The following RABGAP1L variants were observed in gnomAD, a reference collection of about 807,000 sequenced individuals.
RABGAP1L encodes the protein RAB GTPase activating protein 1 like, also known as rab GTPase-activating protein 1-like.
Under a neutral mutation model 137.7 loss-of-function variants are expected in RABGAP1L, and 63 were observed. The ratio of observed to expected loss-of-function variants is 0.46; its 90% confidence interval spans 0.37 to 0.56. The LOEUF (loss-of-function observed/expected upper bound fraction) is 0.56. Ranked by LOEUF, RABGAP1L falls within the 20% of genes least tolerant of loss-of-function variation. RABGAP1L has a pLI of 0.00. For synonymous variants in RABGAP1L, 431 were observed against 433.7 expected (o/e 0.99, Z 0.08); for missense variants, 1,095 against 1,244.0 (o/e 0.88, Z 1.80).
chr1:174,519,951 G>A (rs1281139019), intron 13 of RABGAP1L, among the ~76,000 whole-genome samples: 2 of 152,144 alleles, frequency 1.3e-5, no homozygotes, highest in African/African-American at 4.8e-5. Context: ...TACCATTTCT[G>A]TTCTTCATTT....
At chr1:174,386,416 A>G (rs1380417188) in intron 12 of RABGAP1L, among the ~76,000 whole-genome samples, 1 of 152,180 alleles carries the variant, frequency 6.6e-6, no homozygotes, top group Non-Finnish European at 1.5e-5. Context: ...GATCATATCA[A>G]GTAAATGACA....
intron 1 of RABGAP1L, among the ~76,000 whole-genome samples, chr1:174,171,232 C>A (rs558701862): frequency 6.6e-6 from 1 of 152,100 alleles, no homozygotes; most frequent in Non-Finnish European, 1.5e-5. Flanking sequence ...CTCAAATTAG[C>A]GAGATATGCC....
rs758119279 is a variant in RABGAP1L, at chr1:174,699,640, G to T, written c.2015G>T (p.Arg672Ile). Residue 672 changes from arginine to isoleucine, a missense_variant, in exon 16 of 26, where the codon AGA (arginine) becomes ATA (isoleucine). Transcript: ENST00000681986. The part of the protein sequence containing the change: ...DLHCKFYQLE[R>I]LMQEQLPDLH... ...CATTGCAAATTCTACCAGTTGGAGA[G>T]ACTAATGCAGGTAAATAAAAATTAG... is the stretch of plus-strand genomic sequence containing the variant. 2 of 1,605,800 alleles carry T rather than the reference G, an allele frequency of 1.2e-6. No homozygotes were observed. The highest frequency in any genetic ancestry group is 1.7e-6 in the Non-Finnish European group (2 of 1,173,886).
chr1:174,603,411 C>T (rs1347763189), intron 13 of RABGAP1L, among the ~76,000 whole-genome samples: 1 of 152,136 alleles, frequency 6.6e-6, no homozygotes, highest in Non-Finnish European at 1.5e-5. Flanking sequence ...GACCCGAATC[C>T]AGCACAGTAC....
intron 14 of RABGAP1L, among the ~76,000 whole-genome samples, chr1:174,651,851 G>A (rs906323921): frequency 1.3e-5 from 2 of 152,104 alleles, no homozygotes; most frequent in East Asian, 3.9e-4. Context: ...AGTTAATATT[G>A]TTATGTGTGA....
At chr1:174,363,189 G>T (rs1435793498) in intron 11 of RABGAP1L, among the ~76,000 whole-genome samples, 7 of 152,212 alleles carry the variant, frequency 4.6e-5, no homozygotes, top group Non-Finnish European at 8.8e-5. Context: ...CCATAGCCCT[G>T]TAGTATAGTT....
At chr1:174,564,836 A>G (rs575688005) in intron 13 of RABGAP1L, among the ~76,000 whole-genome samples, 1 of 152,282 alleles carries the variant, frequency 6.6e-6, no homozygotes, top group African/African-American at 2.4e-5. Context: ...AATTGTTTTA[A>G]AAGTAGTATA....
At chr1:174,238,316 C>T (rs1301734030) in intron 4 of RABGAP1L, among the ~76,000 whole-genome samples, 2 of 152,218 alleles carry the variant, frequency 1.3e-5, no homozygotes, top group Non-Finnish European at 2.9e-5. Context: ...CGGTGAGGAA[C>T]TGCGTTCCTT....
At chr1:174,203,294 G>A (rs931009829) in intron 1 of RABGAP1L, among the ~76,000 whole-genome samples, 6 of 152,070 alleles carry the variant, frequency 3.9e-5, no homozygotes, top group South Asian at 2.1e-4. Flanking sequence ...TGTATATGAT[G>A]TAAGGAAATG....
intron 13 of RABGAP1L, among the ~76,000 whole-genome samples, chr1:174,475,804 G>T (rs1002887058): frequency 4.4e-5 from 6 of 136,886 alleles, no homozygotes; most frequent in African/African-American, 1.3e-4. Context: ...AAAAAGGTCA[G>T]ATCTTTGGCC....
At chr1:174,683,622 A>G (rs752852492) in intron 15 of RABGAP1L, 26 bp downstream of exon 15, 1 of 1,545,624 alleles carries the variant, frequency 6.5e-7, no homozygotes, top group South Asian at 1.1e-5. Context: ...TGTGATAAAT[A>G]GCACAGTGCT....
rs7534182 is a variant in RABGAP1L, at chr1:174,222,767, G to A, written c.331+1603G>A. On this transcript the variant is annotated intron_variant, in intron 3 of 25. Transcript: ENST00000681986. Reference sequence around the variant, plus strand: ...AGATGACAGGAAAAAGAAATGAAGTGTGATTAGAAAAAAAGTGAAAAAATT... The same window carrying A: ...AGATGACAGGAAAAAGAAATGAAGTATGATTAGAAAAAAAGTGAAAAAATT... Among the ~76,000 whole-genome samples the A allele has an allele frequency of 9.5e-3, 1,445 of 152,212 alleles. 22 individuals carry two copies. The highest frequency in any genetic ancestry group is 0.033 in the African/African-American group (1,384 of 41,532).
chr1:174,392,647 G>A (rs1650836480), intron 12 of RABGAP1L, among the ~76,000 whole-genome samples: 1 of 152,150 alleles, frequency 6.6e-6, no homozygotes, highest in Admixed American at 6.6e-5. Flanking sequence ...TTTTTTCTGA[G>A]ATAGCCCAAA....
At chr1:174,643,326 C>G (rs754997107) in intron 14 of RABGAP1L, among the ~76,000 whole-genome samples, 8 of 152,164 alleles carry the variant, frequency 5.3e-5, no homozygotes, top group Non-Finnish European at 1.0e-4. Context: ...TCTCCTATCT[C>G]TCCCTTGATT....
chr1:174,839,907 C>T (rs1036603284), intron 19 of RABGAP1L, among the ~76,000 whole-genome samples: 2 of 152,150 alleles, frequency 1.3e-5, no homozygotes, highest in African/African-American at 4.8e-5. Context: ...AGACAAGAGT[C>T]GGATTTCCAG....
chr1:174,795,257 C>T (rs889392175), intron 18 of RABGAP1L, among the ~76,000 whole-genome samples: 4 of 152,120 alleles, frequency 2.6e-5, no homozygotes, highest in Non-Finnish European at 4.4e-5. Context: ...GAAAAGCAGA[C>T]ATAGGACAAG....
chr1:174,723,375 A>G (rs1307660604), intron 17 of RABGAP1L, among the ~76,000 whole-genome samples: 4 of 152,196 alleles, frequency 2.6e-5, no homozygotes, highest in Non-Finnish European at 4.4e-5. Context: ...GTGCCCGTCC[A>G]AAATTTTTGT....
intron 10 of RABGAP1L, among the ~76,000 whole-genome samples, chr1:174,295,662 G>T (rs1677064323): frequency 6.6e-6 from 1 of 151,116 alleles, no homozygotes; most frequent in Admixed American, 6.6e-5. Flanking sequence ...GGGATTACAG[G>T]CATGAGCCAC....
chr1:174,586,969 A>C (rs549203828), intron 13 of RABGAP1L, among the ~76,000 whole-genome samples: 2 of 151,754 alleles, frequency 1.3e-5, no homozygotes, highest in African/African-American at 4.8e-5. Flanking sequence ...TCATTGTTCA[A>C]TTCCCACCTA....
Sources: gnomAD v4.1 joint callset for allele counts (sites outside exome capture counted in the v4.1 genomes callset) on GRCh38, gnomAD v4.1.1 for gene constraint, MANE v1.5 for transcripts, NCBI Gene and HGNC (gene_info 2026-07-23, HGNC 2026-07-21) for gene names.